CDH26: variants seen among roughly 807,000 people sequenced by gnomAD.
CDH26 encodes cadherin-like protein 26.
Under a neutral mutation model 90.3 loss-of-function variants are expected in CDH26, and 83 were observed. The observed-to-expected ratio is 0.92, with a 90% confidence interval of 0.77 to 1.10. CDH26 has a LOEUF of 1.10. Among genes scored for constraint, CDH26 ranks in the 50% least tolerant of loss-of-function variants. The probability of loss-of-function intolerance (pLI) is 0.00; values close to 1 mark genes in which losing one functional copy is unlikely to be tolerated. For synonymous variants in CDH26, 397 were observed against 396.3 expected, an observed-to-expected ratio of 1.00 and a Z score of -0.02; for missense variants, 1,013 against 1,037.6, an observed-to-expected ratio of 0.98 and a Z score of 0.33.
chr20:60,024,918 G>A (rs995943741), intron 7 of CDH26, among the ~76,000 whole-genome samples: 1 of 152,208 alleles, frequency 6.6e-6, no homozygotes. Flanking sequence ...AGAGGTGGTC[G>A]TGCAAGTTCT....
intron 1 of CDH26, 90 bp downstream of exon 1, chr20:59,958,885 A>G: frequency 7.5e-7 from 1 of 1,333,060 alleles, no homozygotes; most frequent in Non-Finnish European, 1.0e-6. Context: ...AAGGGAGGGG[A>G]GAGGGACTGA....
intron 8 of CDH26, among the ~76,000 whole-genome samples, chr20:59,987,987 A>G (rs1375182743): frequency 6.6e-6 from 1 of 152,222 alleles, no homozygotes; most frequent in Non-Finnish European, 1.5e-5. Flanking sequence ...CATTTTCTTC[A>G]ACACTAAAAG....
At chr20:60,032,853 T>TGGGGGGA (rs2062051174) in intron 8 of CDH26, among the ~76,000 whole-genome samples, 1 of 55,976 alleles carries the variant, frequency 1.8e-5, no homozygotes, top group Non-Finnish European at 3.2e-5. Context: ...TGTGGTGGGG[T>TGGGGGGA]GGGGGGAGGG....
chr20:60,028,702 G>A (rs2062017255), intron 7 of CDH26, among the ~76,000 whole-genome samples: 2 of 152,182 alleles, frequency 1.3e-5, no homozygotes, highest in Admixed American at 6.5e-5. Flanking sequence ...TGAGGTTGTG[G>A]AGACATCTGA....
At chr20:60,009,800 C>G (rs1424804536) in intron 17 of CDH26, among the ~76,000 whole-genome samples, 1 of 152,084 alleles carries the variant, frequency 6.6e-6, no homozygotes, top group Non-Finnish European at 1.5e-5. Context: ...CCAGCACAGC[C>G]CCCACTGCAG....
At chr20:60,015,390 A>T (rs1475724986), downstream of CDH26, among the ~76,000 whole-genome samples, 1 of 152,128 alleles carries the variant, frequency 6.6e-6, no homozygotes, top group Non-Finnish European at 1.5e-5. Context: ...TCATGATGTT[A>T]AGCAGTTTTT....
intron 16 of CDH26, among the ~76,000 whole-genome samples, chr20:60,006,239 T>C (rs1030025970): frequency 1.3e-5 from 2 of 152,222 alleles, no homozygotes; most frequent in South Asian, 4.1e-4. Flanking sequence ...ATGCCAAGCC[T>C]GTTTCCTACC....
intron 10 of CDH26, among the ~76,000 whole-genome samples, chr20:59,993,341 G>A (rs1375722881): frequency 1.3e-5 from 2 of 152,178 alleles, no homozygotes; most frequent in African/African-American, 4.8e-5. Context: ...CAGTGGTGAA[G>A]TCTAAGATTT....
At chr20:60,023,124 C>T (rs1601225061) in intron 7 of CDH26, among the ~76,000 whole-genome samples, 1 of 152,212 alleles carries the variant, frequency 6.6e-6, no homozygotes, top group Admixed American at 6.5e-5. Context: ...GGAGGTGGGG[C>T]AGCCATTCTG....
chr20:59,973,753 C>T (rs2061293312), intron 4 of CDH26, among the ~76,000 whole-genome samples: 2 of 152,190 alleles, frequency 1.3e-5, no homozygotes, highest in African/African-American at 2.4e-5. Context: ...CATAGTATTC[C>T]ATGGTGTACA....
At chr20:60,001,681 A>C (rs1348999669) in intron 15 of CDH26, 1 of 902,532 alleles carries the variant, frequency 1.1e-6, no homozygotes, top group Non-Finnish European at 1.3e-6. Context: ...AAATAGATAC[A>C]TTTTCTCATG....
At chr20:60,025,125 G>C (rs1189440112) in intron 7 of CDH26, among the ~76,000 whole-genome samples, 2 of 152,206 alleles carry the variant, frequency 1.3e-5, no homozygotes, top group Admixed American at 6.5e-5. Context: ...TTTTACAAAA[G>C]AGAAATAAAT....
intron 14 of CDH26, among the ~76,000 whole-genome samples, chr20:60,000,428 C>T (rs1213802801): frequency 4.6e-5 from 7 of 152,172 alleles, no homozygotes; most frequent in African/African-American, 1.7e-4. Flanking sequence ...CTGGGTTCGC[C>T]GTGCATTCTG....
rs200295150 is a variant in CDH26, at chr20:59,985,113, C to A, written c.821C>A (p.Ala274Glu). 5.0e-6 allele frequency: 8 copies of A among 1,613,514 alleles called. No homozygotes were observed. The African/African-American group carries it at 9.3e-5, about 19-fold the overall frequency. Residue 274 changes from alanine (A) to glutamate (E), a missense_variant, in exon 7 of 18, where the codon GCA becomes GAA. Transcript: ENST00000348616. ...CAAGAAGGCAACAACCACAGGCCTG[C>A]ATTTACCCAGGAGAACGTGAGGCTC... is the stretch of plus-strand genomic sequence containing the variant. ...DVQEGNNHRPAFTQENYKVQI... is the reference protein window; with the variant it reads ...DVQEGNNHRPEFTQENYKVQI...
chr20:59,984,762 G>T lies in CDH26; in HGVS notation c.665G>T (p.Arg222Leu). Residue 222 changes from arginine to leucine, a missense_variant, in exon 6 of 18, where the codon CGC (arginine) becomes CTC (leucine). Arg to Leu is a moderately radical substitution (Grantham distance 102). Coordinates refer to ENST00000348616, the MANE Select transcript of CDH26 (RefSeq NM_177980.4). ...LLKESGFRVDRLSGEIRLSGC... is the reference protein window; with the variant it reads ...LLKESGFRVDLLSGEIRLSGC... ...AAAGAAAGTGGTTTCCGGGTTGATC[G>T]CCTTAGTGGAGAAATACGACTCTCT... The T allele has an allele frequency of 6.2e-7, 1 of 1,613,170 alleles. No individual in the cohort carries two copies. The highest frequency in any genetic ancestry group is 8.5e-7 in the Non-Finnish European group (1 of 1,179,714).
At chr20:59,966,849 A>G (rs1018967190) in intron 1 of CDH26, among the ~76,000 whole-genome samples, 1 of 152,180 alleles carries the variant, frequency 6.6e-6, no homozygotes, top group Non-Finnish European at 1.5e-5. Flanking sequence ...AACCTAAATG[A>G]CCATCACTAG....
chr20:59,982,423 G>A (rs1191508750), intron 4 of CDH26, among the ~76,000 whole-genome samples: 2 of 152,214 alleles, frequency 1.3e-5, no homozygotes, highest in African/African-American at 4.8e-5. Flanking sequence ...GACGTGGACT[G>A]ACTTTTCTTA....
downstream of CDH26, among the ~76,000 whole-genome samples, chr20:60,015,703 C>G (rs1267484596): frequency 6.6e-6 from 1 of 152,050 alleles, no homozygotes. Context: ...TTTACAAGAC[C>G]AATTTCCTGA....
intron 2 of CDH26, 33 bp from the exon 3 acceptor site, chr20:59,970,049 C>A: frequency 6.2e-7 from 1 of 1,603,448 alleles, no homozygotes; most frequent in Non-Finnish European, 8.5e-7. Context: ...TCACTGCCAT[C>A]CTCATTGTCA....
Sources: gnomAD v4.1 joint callset for allele counts (sites outside exome capture counted in the v4.1 genomes callset) on GRCh38, gnomAD v4.1.1 for gene constraint, MANE v1.5 for transcripts, NCBI Gene and HGNC (gene_info 2026-07-23, HGNC 2026-07-21) for gene names.